Variants in GOLGA8H observed in about 807,000 individuals in gnomAD.
GOLGA8H encodes golgin A8 family member H.
Under a neutral mutation model 82.7 loss-of-function variants are expected in GOLGA8H, and 47 were observed. The ratio of observed to expected loss-of-function variants is 0.57; its 90% CI spans 0.45 to 0.73. GOLGA8H has a LOEUF of 0.73. Ranked by LOEUF, GOLGA8H falls within the 30% of genes least tolerant of loss-of-function variation. The pLI, the probability that GOLGA8H is intolerant of heterozygous loss-of-function variation, is 0.00. For missense variants in GOLGA8H, 372 were observed against 661.0 expected, an observed-to-expected ratio of 0.56 and a Z score of 4.79; for synonymous variants, 108 against 241.6, an observed-to-expected ratio of 0.45 and a Z score of 5.13.
Position 30,606,387 on chromosome 15 carries a change from C to G in GOLGA8H, c.168+425C>G, listed in dbSNP as rs980101274. On this transcript the variant is annotated intron_variant, in intron 2 of 18. Coordinates refer to ENST00000566740, the MANE Select transcript of GOLGA8H (RefSeq NM_001282490.2). Reference sequence around the variant, plus strand: ...AAAAAAAGGAATTCTGGATTTGAATCCTGCCTCTCCATCTGCTCTGCTAGG... The same window carrying G: ...AAAAAAAGGAATTCTGGATTTGAATGCTGCCTCTCCATCTGCTCTGCTAGG... Among the ~76,000 whole-genome samples, 14 of 149,958 alleles carry G rather than the reference C, an allele frequency of 9.3e-5. 1 individual carries two copies. The highest frequency in any genetic ancestry group is 3.0e-4 in the African/African-American group (12 of 40,284).
chr15:30,611,479 G>T (rs1264618958), intron 13 of GOLGA8H, 133 bp downstream of exon 13: 3 of 1,534,940 alleles, frequency 2.0e-6, no homozygotes, highest in Non-Finnish European at 2.6e-6. Context: ...CCGCAGGGCA[G>T]TCCTGTGACT....
chr15:30,608,374 T>G lies in GOLGA8H; in HGVS notation c.392T>G (p.Leu131Arg), dbSNP rs767098344. The stretch of plus-strand genomic sequence containing the variant: ...AAGAAACAGAAAGCCAAAAGGGTGC[T>G]AGAGGTGAGTGGAGGGTGTGCAGTT... ...NNKKQKAKRV[L>R]EVQIQTLNIQ... The change falls in exon 6 of 19, where the codon CTA (leucine) becomes CGA (arginine). Residue 131 changes from leucine to arginine, a missense_variant. Transcript: ENST00000566740. 10 of 1,572,876 alleles carry G rather than the reference T, an allele frequency of 6.4e-6. No homozygotes were observed. Among genetic ancestry groups the G allele is most frequent in the Non-Finnish European group, 8.6e-6 (10 of 1,162,206 alleles).
At chr15:30,609,722 G>C (rs1274679495) in intron 8 of GOLGA8H, 84 bp from the exon 9 acceptor site, 12 of 1,567,694 alleles carry the variant, frequency 7.7e-6, no homozygotes, top group Non-Finnish European at 9.6e-6. Context: ...TTGTATATTG[G>C]GCCTAGCCCT....
chr15:30,612,582 G>A lies in GOLGA8H; in HGVS notation c.1201-15G>A. 1 of 1,591,880 alleles carries A rather than the reference G, an allele frequency of 6.3e-7. No homozygotes were observed. Among genetic ancestry groups the A allele is most frequent in the Non-Finnish European group, 8.5e-7 (1 of 1,175,814 alleles). On this transcript the variant is annotated splice_polypyrimidine_tract_variant and intron_variant, in intron 13 of 18. Transcript: ENST00000566740. ...GGCAAACTCCACCCCTTCTCACTCT[G>A]TCCTGGCCCCTTAGGAGCACCTGGA...
Position 30,617,436 on chromosome 15 carries a change from AAG to A in GOLGA8H, c.*2878_*2879del, listed in dbSNP as rs1240639645. ...ATAGTTTCTCTAAAACTTTATTTTA[AAG>A]AGTCATTTTAAAATAATATAACTAT... On this transcript the variant is annotated 3_prime_UTR_variant, in exon 19 of 19. Coordinates refer to ENST00000566740, the MANE Select transcript of GOLGA8H (RefSeq NM_001282490.2). The A allele has an allele frequency of 4.0e-4, 61 of 150,886 alleles. No homozygotes were observed. Among genetic ancestry groups the A allele is most frequent in the Non-Finnish European group, 6.8e-4 (46 of 67,704 alleles). 9.3% of individuals were successfully genotyped at this position (150,886 alleles called of 1,614,324 possible). A position where few individuals can be genotyped will look rare whatever the true frequency, so the allele number is the denominator to read the frequency against.
chr15:30,604,141 C>G lies in GOLGA8H; in HGVS notation c.16C>G (p.Gln6Glu). 1 of 1,499,374 alleles carries G rather than the reference C, an allele frequency of 6.7e-7. No individual in the cohort carries two copies. The highest frequency in any genetic ancestry group is 8.9e-7 in the Non-Finnish European group (1 of 1,126,894). The allele number at this position is 1,499,374 out of a possible 1,614,324, so 92.9% of individuals were successfully genotyped here. MAEET[Q>E]HNKLAAAKKK... ...CCACCCTGCGATGGCAGAAGAAACT[C>G]AACACAACAAATTGGCTGCAGCCAA... The change falls in exon 1 of 19, where the codon CAA becomes GAA. Residue 6 changes from glutamine (Q) to glutamate (E), a missense_variant. By Grantham distance (29) the Gln-to-Glu change is conservative (BLOSUM62 2). Transcript: ENST00000566740.
At chr15:30,609,233 C>G (rs1263817701) in intron 8 of GOLGA8H, among the ~76,000 whole-genome samples, 1 of 120,844 alleles carries the variant, frequency 8.3e-6, no homozygotes, top group Non-Finnish European at 1.7e-5. Context: ...AGATACTTCC[C>G]TTCTGTACCT....
In GOLGA8H at chr15:30,610,030, A is replaced by G. The variant is rs1311289277; in HGVS notation, c.710A>G (p.Glu237Gly). 1 of 1,611,646 alleles carries G rather than the reference A, an allele frequency of 6.2e-7. No homozygotes were observed. The highest frequency in any genetic ancestry group is 1.7e-5 in the Admixed American group (1 of 59,982). ...LKESFQQVQL[E>G]RDECAEHLKG... The stretch of plus-strand genomic sequence containing the variant: ...GAGTCATTTCAACAAGTCCAATTAG[A>G]AAGAGATGAGTGTGCTGAACATCTA... Residue 237 changes from glutamate (E) to glycine (G), a missense_variant, in exon 10 of 19, where the codon GAA (glutamate) becomes GGA (glycine). Glu to Gly is a moderately conservative substitution (Grantham distance 98). Coordinates refer to ENST00000566740, the MANE Select transcript of GOLGA8H (RefSeq NM_001282490.2).
chr15:30,610,039 A>G lies in GOLGA8H; in HGVS notation c.719A>G (p.Glu240Gly). 1.9e-6 allele frequency: 3 copies of G among 1,611,598 alleles called. No homozygotes were observed. Among genetic ancestry groups the G allele is most frequent in the Non-Finnish European group, 2.5e-6 (3 of 1,179,722 alleles). ...SFQQVQLERD[E>G]CAEHLKGERA... ...CAACAAGTCCAATTAGAAAGAGATG[A>G]GTGTGCTGAACATCTAAAAGGAGAG... Residue 240 changes from glutamate to glycine, a missense_variant, in exon 10 of 19, where the codon GAG becomes GGG. Coordinates refer to ENST00000566740, the MANE Select transcript of GOLGA8H (RefSeq NM_001282490.2).
In GOLGA8H at chr15:30,608,092, A is replaced by C. The variant is rs370600075; in HGVS notation, c.348+24A>C. 4 of 1,567,926 alleles carry C rather than the reference A, an allele frequency of 2.6e-6. No individual in the cohort carries two copies. The East Asian group carries it at 6.7e-5, about 26-fold the overall frequency. On this transcript the variant is annotated intron_variant, in intron 5 of 18. Transcript: ENST00000566740. ...AAGTAACGTGATTTCGTTTCCTCGC[A>C]ACATGACTGCTGGGTTTGGGGGGCA...
chr15:30,605,958 G>T lies in GOLGA8H; in HGVS notation c.164G>T (p.Gly55Val). The stretch of plus-strand genomic sequence containing the variant: ...ACTTCTGGTGGTTGCCAGCCACCTG[G>T]GGATGTGAGTCTTGGCTGACCAGGC... ...KATSGGCQPP[G>V]DSATGFHREG... Residue 55 changes from glycine (G) to valine (V), a missense_variant, in exon 2 of 19, where the codon GGG (glycine) becomes GTG (valine). Coordinates refer to ENST00000566740, the MANE Select transcript of GOLGA8H (RefSeq NM_001282490.2). 1.3e-6 allele frequency: 2 copies of T among 1,596,018 alleles called. No homozygotes were observed. Among genetic ancestry groups the T allele is most frequent in the Non-Finnish European group, 1.7e-6 (2 of 1,176,892 alleles).
rs546449944 is a variant in GOLGA8H, at chr15:30,616,148, T to C, written c.*1587T>C. Among the ~76,000 whole-genome samples the C allele has an allele frequency of 6.6e-6, 1 of 152,130 alleles. No homozygotes were observed. Among genetic ancestry groups the C allele is most frequent in the East Asian group, 1.9e-4 (1 of 5,152 alleles). On this transcript the variant is annotated 3_prime_UTR_variant, in exon 19 of 19. Transcript: ENST00000566740. ...GATGAATGAATGCATTTCAGTTGTATATTGCCTAAATCGTAACTTGATGAT... is the reference window on the plus strand; with the variant it reads ...GATGAATGAATGCATTTCAGTTGTACATTGCCTAAATCGTAACTTGATGAT...
At position 30,605,870 on chromosome 15, in the gene GOLGA8H, C is replaced by T. The variant is rs761115879; in HGVS notation, c.76C>T (p.Pro26Ser). Reference protein sequence around the residue: ...KLKEYWQKNSPRVPAGANRNR... With the variant: ...KLKEYWQKNSSRVPAGANRNR... The stretch of plus-strand genomic sequence containing the variant: ...AAAAGAATATTGGCAGAAAAACAGC[C>T]CTAGAGTTCCAGCAGGAGCGAACAG... The change falls in exon 2 of 19, where the codon CCT becomes TCT. Residue 26 changes from proline (P) to serine (S), a missense_variant. By Grantham distance (74) the Pro-to-Ser change is moderately conservative. Transcript: ENST00000566740. 77 of 1,582,522 alleles carry T rather than the reference C, an allele frequency of 4.9e-5. No individual in the cohort carries two copies. Among genetic ancestry groups the T allele is most frequent in the South Asian group, 5.6e-5 (5 of 88,920 alleles).
rs758839909 is a variant in GOLGA8H, at chr15:30,608,516, T to C, written c.446T>C (p.Leu149Pro). 4.3e-6 allele frequency: 7 copies of C among 1,610,910 alleles called. 1 individual carries two copies. Among genetic ancestry groups the C allele is most frequent in the Non-Finnish European group, 5.9e-6 (7 of 1,179,622 alleles). ...NIQKGKLNTD[L>P]YHMKRSLRYF... Reference sequence around the variant, plus strand: ...CAGAAAGGGAAACTAAATACGGACCTGTACCACATGAAACGTTCTCTCAGA... The same window carrying C: ...CAGAAAGGGAAACTAAATACGGACCCGTACCACATGAAACGTTCTCTCAGA... The change falls in exon 7 of 19, where the codon CTG becomes CCG. Residue 149 changes from leucine (L) to proline (P), a missense_variant. Transcript: ENST00000566740.
chr15:30,608,606 G>C (rs745716713), intron 7 of GOLGA8H, 41 bp from the exon 8 acceptor site: 6 of 1,604,130 alleles, frequency 3.7e-6, no homozygotes, highest in African/African-American at 1.4e-5. Context: ...CAGGTCTTCA[G>C]GGGGAGTCCT....
chr15:30,609,110 C>CGTGT (rs1198953855), intron 8 of GOLGA8H, among the ~76,000 whole-genome samples: 1 of 90,814 alleles, frequency 1.1e-5, no homozygotes, highest in Non-Finnish European at 2.2e-5. Context: ...AAAGAGGAAA[C>CGTGT]GTGTGTGCGT....
intron 8 of GOLGA8H, 63 bp downstream of exon 8, chr15:30,608,819 A>T (rs2059969367): frequency 7.7e-7 from 1 of 1,306,192 alleles, no homozygotes; most frequent in Admixed American, 2.0e-5. Context: ...GAGTGAGCCT[A>T]AAGGTCCCTT....
chr15:30,615,821 A>G lies in GOLGA8H; in HGVS notation c.*1260A>G, dbSNP rs1333833361. ...TGAATGGACAACACTTTAAAAAATA[A>G]TAGAAACATTATTATAAACTAATAT... On this transcript the variant is annotated 3_prime_UTR_variant, in exon 19 of 19. Transcript: ENST00000566740. Among the ~76,000 whole-genome samples the G allele has an allele frequency of 7.3e-6, 1 of 136,754 alleles. No homozygotes were observed. The highest frequency in any genetic ancestry group is 1.6e-5 in the Non-Finnish European group (1 of 63,868). 89.7% of individuals were successfully genotyped at this position (136,754 alleles called of 152,430 possible). A position where few individuals can be genotyped will look rare whatever the true frequency, so the allele number is the denominator to read the frequency against.
chr15:30,608,019 T>A lies in GOLGA8H; in HGVS notation c.310-11T>A. ...GCCACCCTCCATCACCTTATTTGAC[T>A]CTCCCCACAGAAACAACAGAAGAAA... On this transcript the variant is annotated splice_polypyrimidine_tract_variant and intron_variant, in intron 4 of 18. Coordinates refer to ENST00000566740, the MANE Select transcript of GOLGA8H (RefSeq NM_001282490.2). 1.3e-6 allele frequency: 2 copies of A among 1,588,324 alleles called. No individual in the cohort carries two copies. The highest frequency in any genetic ancestry group is 1.7e-6 in the Non-Finnish European group (2 of 1,173,288).
Sources: allele counts gnomAD v4.1 joint callset (sites outside exome capture counted in the v4.1 genomes callset), GRCh38; gene constraint gnomAD v4.1.1; transcripts MANE v1.5; gene names NCBI Gene and HGNC (gene_info 2026-07-23, HGNC 2026-07-21).